The following ARHGAP24 variants were observed in gnomAD, a reference collection of about 807,000 sequenced individuals.
ARHGAP24 encodes the protein Rho GTPase activating protein 24.
ARHGAP24 carries 50 observed loss-of-function variants against 76.4 expected under a neutral mutation model. The observed-to-expected ratio is 0.65, with a 90% confidence interval of 0.52 to 0.83. The LOEUF (loss-of-function observed/expected upper bound fraction) is 0.83. Among genes scored for constraint, ARHGAP24 ranks in the 40% least tolerant of loss-of-function variants. The probability of loss-of-function intolerance (pLI) is 0.00; values close to 1 mark genes in which losing one functional copy is unlikely to be tolerated. For missense variants in ARHGAP24, 930 were observed against 914.2 expected (o/e 1.02, Z -0.22); for synonymous variants, 345 against 323.3 (o/e 1.07, Z -0.72).
rs186399624 is a variant in ARHGAP24, at chr4:85,652,023, G to A, written c.181-69862G>A. Among the ~76,000 whole-genome samples, 4 of 152,204 alleles carry A rather than the reference G, an allele frequency of 2.6e-5. No individual in the cohort carries two copies. The East Asian group carries it at 5.8e-4, about 22-fold the overall frequency. On this transcript the variant is annotated intron_variant, in intron 2 of 9. Transcript: ENST00000395184. ...TATATTTTGATAATTTTAAAATAGT[G>A]ATGAAAATGGTCTATTGTTTTGTTT...
At chr4:85,519,371 T>C (rs1420078370) in intron 1 of ARHGAP24, among the ~76,000 whole-genome samples, 1 of 152,088 alleles carries the variant, frequency 6.6e-6, no homozygotes, top group Admixed American at 6.6e-5. Flanking sequence ...CTTCCCAACA[T>C]TGATTTTGGA....
intron 3 of ARHGAP24, among the ~76,000 whole-genome samples, chr4:85,755,880 G>A (rs1039525118): frequency 2.0e-5 from 3 of 151,940 alleles, no homozygotes; most frequent in Non-Finnish European, 4.4e-5. Context: ...TGATCTGCCC[G>A]CCTGGGCCTC....
At chr4:85,803,456 G>C (rs980125865) in intron 3 of ARHGAP24, among the ~76,000 whole-genome samples, 4 of 152,186 alleles carry the variant, frequency 2.6e-5, no homozygotes, top group Non-Finnish European at 5.9e-5. Flanking sequence ...AAGGGACAGC[G>C]TAACACTTTC....
At chr4:85,761,218 C>G (rs531339168) in intron 3 of ARHGAP24, among the ~76,000 whole-genome samples, 1 of 152,284 alleles carries the variant, frequency 6.6e-6, no homozygotes, top group South Asian at 2.1e-4. Flanking sequence ...TTGATTCTCT[C>G]TTGTTATTTC....
At chr4:85,885,860 T>G (rs1436641668) in intron 3 of ARHGAP24, among the ~76,000 whole-genome samples, 1 of 152,142 alleles carries the variant, frequency 6.6e-6, no homozygotes, top group Non-Finnish European at 1.5e-5. Flanking sequence ...TGATACTTTA[T>G]TTATTATCTT....
chr4:85,952,903 A>G (rs1737701150), intron 5 of ARHGAP24, among the ~76,000 whole-genome samples: 1 of 152,246 alleles, frequency 6.6e-6, no homozygotes, highest in Admixed American at 6.5e-5. Context: ...AAAACAAATT[A>G]AAACATAACT....
intron 3 of ARHGAP24, among the ~76,000 whole-genome samples, chr4:85,902,306 T>G (rs1734540455): frequency 6.6e-6 from 1 of 152,184 alleles, no homozygotes. Flanking sequence ...AAAGATCAGA[T>G]AGGGCGCAGA....
chr4:85,688,681 G>T (rs1326579771), intron 2 of ARHGAP24, among the ~76,000 whole-genome samples: 1 of 152,022 alleles, frequency 6.6e-6, no homozygotes. Context: ...AATTTCCTAG[G>T]TTTTCTTTTA....
At chr4:85,687,507 T>C (rs191323405) in intron 2 of ARHGAP24, among the ~76,000 whole-genome samples, 1 of 152,282 alleles carries the variant, frequency 6.6e-6, no homozygotes, top group African/African-American at 2.4e-5. Flanking sequence ...AGTGGGAACA[T>C]GTGGTATTTG....
chr4:85,799,755 G>A (rs2110103184), intron 3 of ARHGAP24, among the ~76,000 whole-genome samples: 1 of 152,212 alleles, frequency 6.6e-6, no homozygotes, highest in African/African-American at 2.4e-5. Flanking sequence ...GCATCACTTA[G>A]CCAAGTGATC....
intron 4 of ARHGAP24, among the ~76,000 whole-genome samples, chr4:85,937,495 T>G: frequency 6.6e-6 from 1 of 152,150 alleles, no homozygotes; most frequent in East Asian, 1.9e-4. Context: ...CTGAGAATAA[T>G]TAATATGTAG....
In ARHGAP24 at chr4:85,994,757, A is replaced by G. The variant is rs114601959; in HGVS notation, c.1103A>G (p.Asp368Gly). 19 of 1,614,024 alleles carry G rather than the reference A, an allele frequency of 1.2e-5. No homozygotes were observed. The African/African-American group carries it at 2.0e-4, about 17-fold the overall frequency. The change falls in exon 9 of 10, where the codon GAC (aspartate) becomes GGC (glycine). Residue 368 changes from aspartate (D) to glycine (G), a missense_variant. Physicochemically the swap from Asp to Gly is moderately conservative, Grantham distance 94 (BLOSUM62 -1). Transcript: ENST00000395184. ...LQNKENNNTKDSPSRQCSWDK... is the reference protein window; with the variant it reads ...LQNKENNNTKGSPSRQCSWDK... ...AACAAGGAGAACAATAACACCAAGGACAGCCCTAGTAGGCAGTGCTCCTGG... is the reference window on the plus strand; with the variant it reads ...AACAAGGAGAACAATAACACCAAGGGCAGCCCTAGTAGGCAGTGCTCCTGG...
At chr4:85,694,304 C>T (rs1723789383) in intron 2 of ARHGAP24, among the ~76,000 whole-genome samples, 1 of 151,906 alleles carries the variant, frequency 6.6e-6, no homozygotes, top group South Asian at 2.1e-4. Flanking sequence ...GGTGTTAAGG[C>T]AGGAGAAACT....
chr4:86,000,881 G>A lies in ARHGAP24; in HGVS notation c.*159G>A. ...CATTAAACATCCATATCTGCAATGT[G>A]TACCAAAGTTATATCATGCCCCATA... On this transcript the variant is annotated 3_prime_UTR_variant, in exon 10 of 10. Transcript: ENST00000395184. 1 of 1,066,782 alleles carries A rather than the reference G, an allele frequency of 9.4e-7. No individual in the cohort carries two copies. Among genetic ancestry groups the A allele is most frequent in the Non-Finnish European group, 1.4e-6 (1 of 738,744 alleles). 66.1% of individuals were successfully genotyped at this position (1,066,782 alleles called of 1,614,324 possible). A position where few individuals can be genotyped will look rare whatever the true frequency, so the allele number is the denominator to read the frequency against.
intron 5 of ARHGAP24, among the ~76,000 whole-genome samples, chr4:85,969,085 A>C (rs1210313734): frequency 6.6e-6 from 1 of 152,140 alleles, no homozygotes; most frequent in Non-Finnish European, 1.5e-5. Context: ...CTTTGGTGCT[A>C]AGAAAATTGC....
intron 5 of ARHGAP24, among the ~76,000 whole-genome samples, chr4:85,966,749 GCTGATGGATATGA>G (rs1738634814): frequency 1.3e-5 from 2 of 152,098 alleles, no homozygotes; most frequent in Admixed American, 1.3e-4. Context: ...CTCCCTGGAG[GCTGATGGATATGA>G]CATTATTATT....
intron 3 of ARHGAP24, among the ~76,000 whole-genome samples, chr4:85,824,882 G>C (rs1009082082): frequency 6.6e-6 from 1 of 152,114 alleles, no homozygotes; most frequent in African/African-American, 2.4e-5. Flanking sequence ...CTCAGGTCAG[G>C]AGTTCAAGAC....
intron 3 of ARHGAP24, among the ~76,000 whole-genome samples, chr4:85,867,206 C>T (rs1032346677): frequency 6.6e-6 from 1 of 152,118 alleles, no homozygotes. Context: ...ATGTAAAGCA[C>T]CTGGCACTTA....
chr4:85,737,875 T>A (rs1725661338), intron 3 of ARHGAP24, among the ~76,000 whole-genome samples: 1 of 152,172 alleles, frequency 6.6e-6, no homozygotes, highest in Admixed American at 6.5e-5. Context: ...TCTTCCATAT[T>A]CTCTTTGATT....
Sources: allele counts gnomAD v4.1 joint callset (sites outside exome capture counted in the v4.1 genomes callset), GRCh38; gene constraint gnomAD v4.1.1; transcripts MANE v1.5; gene names NCBI Gene and HGNC (gene_info 2026-07-23, HGNC 2026-07-21).